The following PCDHGB2 variants were observed in gnomAD, a reference collection of about 807,000 sequenced individuals.
PCDHGB2 encodes protocadherin gamma subfamily B, 2, also known as protocadherin gamma-B2.
In PCDHGB2, 55 loss-of-function variants were observed where a neutral mutation model predicts 59.3. The observed-to-expected ratio is 0.93, with a 90% CI of 0.75 to 1.16. The LOEUF is 1.16. Among genes scored for constraint, PCDHGB2 ranks in the 50% most tolerant of loss-of-function variants. The probability of loss-of-function intolerance (pLI) is 0.00; values close to 1 mark genes in which losing one functional copy is unlikely to be tolerated. For synonymous variants in PCDHGB2, 516 were observed against 512.0 expected (o/e 1.01, Z -0.11); for missense variants, 1,228 against 1,198.5 (o/e 1.02, Z -0.36).
At chr5:141,409,639 G>T (rs948112966) in intron 1 of PCDHGB2, 2 of 1,613,760 alleles carry the variant, frequency 1.2e-6, no homozygotes, top group African/African-American at 1.3e-5. Flanking sequence ...CCTCTGACCC[G>T]GATTTGGGGC....
At chr5:141,505,352 C>CG in intron 2 of PCDHGB2, 41 bp from the exon 3 acceptor site, 1 of 1,613,302 alleles carries the variant, frequency 6.2e-7, no homozygotes, top group East Asian at 2.2e-5. Context: ...TGAGCTGTGC[C>CG]GGCCTGGGAG....
At chr5:141,470,838 C>T (rs142581300) in intron 1 of PCDHGB2, among the ~76,000 whole-genome samples, 5 of 152,222 alleles carry the variant, frequency 3.3e-5, no homozygotes, top group African/African-American at 7.2e-5. Flanking sequence ...CAAACACACG[C>T]CACCATGCTC....
At chr5:141,397,810 A>G (rs2093570260) in intron 1 of PCDHGB2, among the ~76,000 whole-genome samples, 1 of 152,218 alleles carries the variant, frequency 6.6e-6, no homozygotes. Context: ...TAGGCACACA[A>G]AAACAATTAC....
chr5:141,392,597 C>G (rs761805266), intron 1 of PCDHGB2: 11 of 501,346 alleles, frequency 2.2e-5, no homozygotes, highest in Non-Finnish European at 3.8e-5. Context: ...TGTTCACCTA[C>G]TGGAAGACAA....
intron 1 of PCDHGB2, chr5:141,404,993 C>G (rs1159647700): frequency 6.2e-7 from 1 of 1,613,850 alleles, no homozygotes; most frequent in Non-Finnish European, 8.5e-7. Flanking sequence ...TCTTCAGATC[C>G]CTGCAGACCT....
At chr5:141,389,191 T>G in intron 1 of PCDHGB2, 1 of 1,614,050 alleles carries the variant, frequency 6.2e-7, no homozygotes, top group African/African-American at 1.3e-5. Context: ...AGTTCCAGCA[T>G]CACCCTGCAC....
chr5:141,404,435 A>G, intron 1 of PCDHGB2: 2 of 1,613,032 alleles, frequency 1.2e-6, no homozygotes, highest in South Asian at 2.2e-5. Flanking sequence ...GGCAGAGGAT[A>G]CCATCCAAGG....
In PCDHGB2 at chr5:141,419,962, GCT is replaced by G. The variant is rs1374844110; in HGVS notation, c.2421+57409_2421+57410del. ...TGGTGGCCTTGGCCTTGATTTCTGTGCTCTTTCTCCTCGCGGTGATTCTAGCT... is the reference window on the plus strand; with the variant it reads ...TGGTGGCCTTGGCCTTGATTTCTGTGCTTTCTCCTCGCGGTGATTCTAGCT... On this transcript the variant is annotated intron_variant, in intron 1 of 3. Coordinates refer to ENST00000522605, the MANE Select transcript of PCDHGB2 (RefSeq NM_018923.3). The G allele has an allele frequency of 3.1e-6, 5 of 1,613,974 alleles. No homozygotes were observed. In the African/African-American group the frequency reaches 4.0e-5, roughly 13 times the overall value.
intron 1 of PCDHGB2, among the ~76,000 whole-genome samples, chr5:141,436,531 G>T (rs1365651055): frequency 6.6e-6 from 1 of 152,152 alleles, no homozygotes; most frequent in African/African-American, 2.4e-5. Context: ...CCTTTAGCAA[G>T]TTATTTAATC....
chr5:141,371,882 G>A, intron 1 of PCDHGB2: 2 of 1,613,432 alleles, frequency 1.2e-6, no homozygotes, highest in South Asian at 1.1e-5. Context: ...CCAGTGACCT[G>A]GAGCCGCGGG....
Position 141,489,560 on chromosome 5 carries a change from A to G in PCDHGB2, c.2422-5247A>G. On this transcript the variant is annotated intron_variant, in intron 1 of 3. Coordinates refer to ENST00000522605, the MANE Select transcript of PCDHGB2 (RefSeq NM_018923.3). The surrounding 1 kb of genome is among the most constrained non-coding windows in gnomAD (Gnocchi z 4.5). Reference sequence around the variant, plus strand: ...AGCACCAGCTGCCTGCTGCCAGTGCAGGTGGTGACTGAACACCCCCTGGAG... The same window carrying G: ...AGCACCAGCTGCCTGCTGCCAGTGCGGGTGGTGACTGAACACCCCCTGGAG... 1.2e-6 allele frequency: 2 copies of G among 1,614,142 alleles called. No homozygotes were observed. The highest frequency in any genetic ancestry group is 1.7e-6 in the Non-Finnish European group (2 of 1,180,030).
intron 2 of PCDHGB2, among the ~76,000 whole-genome samples, chr5:141,503,398 C>A (rs1374324008): frequency 6.6e-6 from 1 of 151,784 alleles, no homozygotes; most frequent in African/African-American, 2.4e-5. Flanking sequence ...AGTTCGAAAC[C>A]AACCTGGCCA....
intron 1 of PCDHGB2, chr5:141,388,568 AC>A: frequency 6.2e-7 from 1 of 1,613,888 alleles, no homozygotes; most frequent in East Asian, 2.2e-5. Context: ...CTGCACAGAT[AC>A]ACGTTCTAGT....
rs551289441 is a variant in PCDHGB2, at chr5:141,444,102, C to T, written c.2422-50705C>T. ...TGAAAAGTCTGCTAAGGATTGGAAACCAAGAAAAGTGAAGTATCTCAACAG... is the reference window on the plus strand; with the variant it reads ...TGAAAAGTCTGCTAAGGATTGGAAATCAAGAAAAGTGAAGTATCTCAACAG... On this transcript the variant is annotated intron_variant, in intron 1 of 3. Coordinates refer to ENST00000522605, the MANE Select transcript of PCDHGB2 (RefSeq NM_018923.3). Among the ~76,000 whole-genome samples the T allele has an allele frequency of 1.5e-3, 216 of 144,128 alleles. 1 individual carries two copies. Among genetic ancestry groups the T allele is most frequent in the African/African-American group, 5.4e-3 (211 of 38,798 alleles). 94.6% of individuals were successfully genotyped at this position (144,128 alleles called of 152,430 possible).
chr5:141,441,692 G>A (rs1165171238), intron 1 of PCDHGB2: 2 of 301,376 alleles, frequency 6.6e-6, no homozygotes, highest in Non-Finnish European at 1.3e-5. Context: ...AAGAGCAGCC[G>A]CGAGCCTTCA....
intron 1 of PCDHGB2, among the ~76,000 whole-genome samples, chr5:141,386,595 ATT>A (rs373179212): frequency 2.1e-5 from 3 of 146,060 alleles, no homozygotes; most frequent in African/African-American, 7.5e-5. Flanking sequence ...TGGGGGATAC[ATT>A]TTTTTTTTTT....
intron 1 of PCDHGB2, chr5:141,371,148 G>A: frequency 6.2e-7 from 1 of 1,614,010 alleles, no homozygotes; most frequent in Non-Finnish European, 8.5e-7. Flanking sequence ...GGTCAATGTT[G>A]CAGAGAACCT....
chr5:141,478,617 G>A (rs1010415342), intron 1 of PCDHGB2: 1 of 1,556,398 alleles, frequency 6.4e-7, no homozygotes, highest in Non-Finnish European at 8.7e-7. Context: ...AGGAAGGAAT[G>A]GAGCTGTTTT....
intron 1 of PCDHGB2, chr5:141,364,195 A>G: frequency 9.3e-7 from 1 of 1,073,724 alleles, no homozygotes; most frequent in East Asian, 2.8e-5. Context: ...CTAAACACAC[A>G]GACCAGACAA....
Sources: gnomAD v4.1 joint callset for allele counts (sites outside exome capture counted in the v4.1 genomes callset) on GRCh38, gnomAD v4.1.1 for gene constraint, Gnocchi (gnomAD v3.1) non-coding constraint, MANE v1.5 for transcripts, NCBI Gene and HGNC (gene_info 2026-07-23, HGNC 2026-07-21) for gene names.